Variants in ABTB3 observed in about 807,000 individuals in gnomAD.
ABTB3 encodes ankyrin repeat- and BTB/POZ domain-containing protein 3.
chr12:107,343,780 C>T, the ABTB3 span, among the ~76,000 whole-genome samples: 32 of 152,234 alleles, frequency 2.1e-4, no homozygotes, highest in Middle Eastern at 0.014. Context: ...AAGCAGGCAC[C>T]GTCTTCACAG....
the ABTB3 span, among the ~76,000 whole-genome samples, chr12:107,525,960 A>T: frequency 6.6e-6 from 1 of 152,224 alleles, no homozygotes; most frequent in African/African-American, 2.4e-5. Context: ...AGTAAGTGGC[A>T]GTCATAATTA....
chr12:107,329,067 A>T, the ABTB3 span, among the ~76,000 whole-genome samples: 4 of 152,158 alleles, frequency 2.6e-5, no homozygotes, highest in African/African-American at 7.2e-5. Context: ...GTCTCCAGGG[A>T]CAGCTCCCCC....
chr12:107,557,083 C>A, the ABTB3 span, among the ~76,000 whole-genome samples: 2 of 152,130 alleles, frequency 1.3e-5, no homozygotes, highest in Non-Finnish European at 2.9e-5. Context: ...ACATGTTAAT[C>A]TCCTGACACA....
chr12:107,379,482 C>T, the ABTB3 span, among the ~76,000 whole-genome samples: 324 of 152,302 alleles, frequency 2.1e-3, 1 homozygote, highest in African/African-American at 6.8e-3. Flanking sequence ...CCGTGTAAGA[C>T]GTGCCTTTGC....
chr12:107,359,449 T>C, the ABTB3 span, among the ~76,000 whole-genome samples: 1 of 152,188 alleles, frequency 6.6e-6, no homozygotes, highest in African/African-American at 2.4e-5. Flanking sequence ...ACACTGCTGC[T>C]GGGTAAATTC....
the ABTB3 span, among the ~76,000 whole-genome samples, chr12:107,451,595 T>A: frequency 6.6e-6 from 1 of 152,204 alleles, no homozygotes; most frequent in Non-Finnish European, 1.5e-5. Flanking sequence ...CTCCTTAGCA[T>A]GGCAGGCAAG....
At chr12:107,406,216 G>A in the ABTB3 span, among the ~76,000 whole-genome samples, 1 of 152,156 alleles carries the variant, frequency 6.6e-6, no homozygotes, top group Admixed American at 6.5e-5. Context: ...AACAGTGCCT[G>A]GCACCAGAAG....
the ABTB3 span, among the ~76,000 whole-genome samples, chr12:107,647,504 A>G: frequency 1.0e-3 from 154 of 152,314 alleles, no homozygotes; most frequent in African/African-American, 3.6e-3. Context: ...GACCCTGTCT[A>G]AAATAATAAT....
the ABTB3 span, among the ~76,000 whole-genome samples, chr12:107,584,863 G>T: frequency 5.4e-4 from 82 of 152,292 alleles, no homozygotes; most frequent in African/African-American, 1.9e-3. Context: ...ATTCAAAAAG[G>T]AATTCCATTC....
chr12:107,324,724 T>TA, the ABTB3 span, among the ~76,000 whole-genome samples: 8 of 150,368 alleles, frequency 5.3e-5, no homozygotes, highest in South Asian at 2.1e-4. Flanking sequence ...ATACTTCAGT[T>TA]AAAAAAAAGA....
the ABTB3 span, among the ~76,000 whole-genome samples, chr12:107,362,516 G>C: frequency 6.6e-6 from 1 of 152,238 alleles, no homozygotes; most frequent in African/African-American, 2.4e-5. Flanking sequence ...TGGTAGACCA[G>C]GTGTAGTGGC....
At chr12:107,492,069 G>A in the ABTB3 span, among the ~76,000 whole-genome samples, 4 of 152,050 alleles carry the variant, frequency 2.6e-5, no homozygotes, top group African/African-American at 9.7e-5. Context: ...TTGATTGGCT[G>A]AAGAATGCAG....
the ABTB3 span, among the ~76,000 whole-genome samples, chr12:107,653,021 G>T: frequency 6.6e-6 from 1 of 152,126 alleles, no homozygotes; most frequent in African/African-American, 2.4e-5. Context: ...CAATTCTCCT[G>T]CCTCAGCCTC....
chr12:107,532,199 A>G, the ABTB3 span, among the ~76,000 whole-genome samples: 1 of 152,224 alleles, frequency 6.6e-6, no homozygotes, highest in Non-Finnish European at 1.5e-5. Context: ...TGCAATCACC[A>G]GCACCCATGT....
At chr12:107,417,274 T>A in the ABTB3 span, among the ~76,000 whole-genome samples, 1 of 152,144 alleles carries the variant, frequency 6.6e-6, no homozygotes, top group African/African-American at 2.4e-5. Flanking sequence ...AGAGCTGCCA[T>A]AACAAAATAC....
At chr12:107,394,777 C>G in the ABTB3 span, among the ~76,000 whole-genome samples, 2 of 152,206 alleles carry the variant, frequency 1.3e-5, no homozygotes, top group Non-Finnish European at 2.9e-5. Context: ...TAAATGATAG[C>G]TGTTTTCCTC....
the ABTB3 span, among the ~76,000 whole-genome samples, chr12:107,524,526 G>A: frequency 6.6e-6 from 1 of 152,164 alleles, no homozygotes; most frequent in African/African-American, 2.4e-5. Context: ...TATTTTAGTA[G>A]CTAATAACAA....
the ABTB3 span, among the ~76,000 whole-genome samples, chr12:107,489,555 C>T: frequency 8.6e-5 from 13 of 151,048 alleles, no homozygotes; most frequent in Admixed American, 2.6e-4. Flanking sequence ...ACAAACAAAA[C>T]GATTCTTACT....
chr12:107,538,956 G>C, the ABTB3 span, among the ~76,000 whole-genome samples: 1 of 152,092 alleles, frequency 6.6e-6, no homozygotes, highest in Non-Finnish European at 1.5e-5. Context: ...GTGCCTTTTT[G>C]GAGGCACTGT....
Sources: gnomAD v4.1 joint callset for allele counts (sites outside exome capture counted in the v4.1 genomes callset) on GRCh38, gnomAD v4.1.1 for gene constraint, MANE v1.5 for transcripts, NCBI Gene and HGNC (gene_info 2026-07-23, HGNC 2026-07-21) for gene names.